SPNS3: variants seen among roughly 807,000 people sequenced by gnomAD.
SPNS3 encodes the protein SPNS lysolipid transporter 3, sphingosine-1-phosphate (putative).
A neutral mutation model predicts 54.4 loss-of-function variants in SPNS3; 51 were observed. The observed-to-expected ratio is 0.94, with a 90% CI of 0.75 to 1.18. The LOEUF (loss-of-function observed/expected upper bound fraction) is 1.18, where lower values mean the gene tolerates loss of function less well. Among genes scored for constraint, SPNS3 ranks in the 50% most tolerant of loss-of-function variants. The pLI is 0.00. For missense variants in SPNS3, 669 were observed against 677.4 expected (o/e 0.99, Z 0.14); for synonymous variants, 309 against 294.7 (o/e 1.05, Z -0.50).
chr17:4,463,707 C>G (rs1473570119), intron 8 of SPNS3, among the ~76,000 whole-genome samples: 6 of 150,540 alleles, frequency 4.0e-5, no homozygotes, highest in African/African-American at 1.5e-4. Context: ...CCACTGCACT[C>G]CAGCCGGGCA....
chr17:4,439,706 C>A lies in SPNS3; in HGVS notation c.248C>A (p.Ala83Asp). 1.9e-6 allele frequency: 3 copies of A among 1,613,022 alleles called. No individual in the cohort carries two copies. The highest frequency in any genetic ancestry group is 2.5e-6 in the Non-Finnish European group (3 of 1,179,610). Residue 83 changes from alanine (A) to aspartate (D), a missense_variant, in exon 2 of 12, where the codon GCT (alanine) becomes GAT (aspartate). Transcript: ENST00000355530. ...QEVFQISDNHAGLLQTVFVSC... is the reference protein window; with the variant it reads ...QEVFQISDNHDGLLQTVFVSC... ...GTTTTCCAGATCAGTGACAACCATG[C>A]TGGTTTGCTTCAGACTGGTAAGGAG... is the stretch of plus-strand genomic sequence containing the variant.
intron 8 of SPNS3, among the ~76,000 whole-genome samples, chr17:4,471,201 G>A (rs988137359): frequency 1.3e-5 from 2 of 152,210 alleles, no homozygotes; most frequent in Non-Finnish European, 2.9e-5. Context: ...TGGGATTACA[G>A]GCGTGAGCCA....
chr17:4,451,566 AG>A (rs1246285985), intron 7 of SPNS3, among the ~76,000 whole-genome samples: 3 of 152,246 alleles, frequency 2.0e-5, no homozygotes, highest in Non-Finnish European at 4.4e-5. Flanking sequence ...AGAGGACGAC[AG>A]GGAGCTATTG....
At chr17:4,459,095 C>T (rs1465063166) in intron 8 of SPNS3, among the ~76,000 whole-genome samples, 2 of 152,146 alleles carry the variant, frequency 1.3e-5, no homozygotes, top group Non-Finnish European at 2.9e-5. Context: ...GCCAGCTTAC[C>T]ACCGTCTCTC....
intron 8 of SPNS3, among the ~76,000 whole-genome samples, chr17:4,474,787 T>G (rs7214170): frequency 6.6e-6 from 1 of 151,956 alleles, no homozygotes; most frequent in Non-Finnish European, 1.5e-5. Context: ...CCAGGCTGTT[T>G]TTCGGCAAGT....
chr17:4,439,703 A>G lies in SPNS3; in HGVS notation c.245A>G (p.His82Arg), dbSNP rs751275423. The change falls in exon 2 of 12, where the codon CAT becomes CGT. Residue 82 changes from histidine to arginine, a missense_variant. By Grantham distance (29) the His-to-Arg change is conservative. Transcript: ENST00000355530. The stretch of plus-strand genomic sequence containing the variant: ...GAGGTTTTCCAGATCAGTGACAACC[A>G]TGCTGGTTTGCTTCAGACTGGTAAG... ...IQEVFQISDN[H>R]AGLLQTVFVS... 4.0e-5 allele frequency: 65 copies of G among 1,613,090 alleles called. No homozygotes were observed. Among genetic ancestry groups the G allele is most frequent in the Non-Finnish European group, 5.3e-5 (62 of 1,179,710 alleles).
At chr17:4,455,467 G>C (rs1971283707) in intron 8 of SPNS3, among the ~76,000 whole-genome samples, 1 of 152,220 alleles carries the variant, frequency 6.6e-6, no homozygotes, top group African/African-American at 2.4e-5. Context: ...GCGGGGTGTG[G>C]GGGGTACTTT....
intron 2 of SPNS3, among the ~76,000 whole-genome samples, chr17:4,444,518 C>T (rs927393692): frequency 1.3e-5 from 2 of 152,074 alleles, no homozygotes; most frequent in South Asian, 2.1e-4. Flanking sequence ...CCACCGCGCC[C>T]GGCCCAGTGT....
At chr17:4,435,292 G>A (rs923177868) in intron 1 of SPNS3, among the ~76,000 whole-genome samples, 6 of 151,356 alleles carry the variant, frequency 4.0e-5, no homozygotes, top group Non-Finnish European at 5.9e-5. Flanking sequence ...GCATGGTAGC[G>A]GGCACCTGTA....
chr17:4,458,585 C>CTT (rs1971391158), intron 8 of SPNS3, among the ~76,000 whole-genome samples: 2 of 42,940 alleles, frequency 4.7e-5, no homozygotes, highest in African/African-American at 1.6e-4. Context: ...TTCTTCCTTC[C>CTT]CTCCTTTCTT....
rs542428846 is a variant in SPNS3 at position 4,484,692 on chromosome 17, C to T, written c.1180-1536C>T. Among the ~76,000 whole-genome samples the T allele has an allele frequency of 4.6e-5, 7 of 152,174 alleles. No homozygotes were observed. The South Asian group carries it at 1.5e-3, about 32-fold the overall frequency. On this transcript the variant is annotated intron_variant, in intron 9 of 11. Transcript: ENST00000355530. ...GGGATACGGCTCCAGGGTGTAAGCG[C>T]CCCTGTGGCTGTCCAGTTGGGTTCA... is the stretch of plus-strand genomic sequence containing the variant.
chr17:4,479,671 C>T (rs1297337822), intron 9 of SPNS3, among the ~76,000 whole-genome samples: 1 of 152,248 alleles, frequency 6.6e-6, no homozygotes, highest in Non-Finnish European at 1.5e-5. Context: ...ATGGACCAGA[C>T]TGGCAGTCAG....
chr17:4,444,622 T>G (rs1373980979), intron 2 of SPNS3, among the ~76,000 whole-genome samples: 1 of 152,098 alleles, frequency 6.6e-6, no homozygotes, highest in Non-Finnish European at 1.5e-5. Flanking sequence ...GGTGCATGAA[T>G]GAAAAATCAG....
intron 8 of SPNS3, among the ~76,000 whole-genome samples, chr17:4,468,881 C>T (rs1157460772): frequency 4.0e-5 from 6 of 151,140 alleles, no homozygotes; most frequent in Non-Finnish European, 8.9e-5. Context: ...CTCCACCTCC[C>T]GGGTTCAAGT....
intron 8 of SPNS3, among the ~76,000 whole-genome samples, chr17:4,477,934 CT>C (rs1246241683): frequency 1.4e-5 from 2 of 139,732 alleles, no homozygotes; most frequent in African/African-American, 5.5e-5. Context: ...GTCTTTTACT[CT>C]TTGTCCTCTA....
chr17:4,436,877 G>T (rs1384405632), intron 1 of SPNS3, among the ~76,000 whole-genome samples: 1 of 152,224 alleles, frequency 6.6e-6, no homozygotes, highest in Admixed American at 6.5e-5. Flanking sequence ...AGGCGAGAAG[G>T]GGCAAGAGGT....
At chr17:4,480,087 C>T (rs993166147) in intron 9 of SPNS3, among the ~76,000 whole-genome samples, 21 of 151,922 alleles carry the variant, frequency 1.4e-4, no homozygotes, top group African/African-American at 5.1e-4. Context: ...TCACTCCCTG[C>T]CAAGATGTCT....
intron 8 of SPNS3, among the ~76,000 whole-genome samples, chr17:4,464,554 C>G (rs1275438234): frequency 2.0e-5 from 3 of 152,136 alleles, no homozygotes; most frequent in African/African-American, 7.2e-5. Context: ...AGTTGTGTGA[C>G]TTGTGTGACC....
At chr17:4,440,997 G>C (rs1236994253) in intron 2 of SPNS3, among the ~76,000 whole-genome samples, 1 of 152,152 alleles carries the variant, frequency 6.6e-6, no homozygotes, top group Non-Finnish European at 1.5e-5. Flanking sequence ...ACGTCTAATT[G>C]CTTTGGCAAA....
Sources: gnomAD v4.1 joint callset for allele counts (sites outside exome capture counted in the v4.1 genomes callset) on GRCh38, gnomAD v4.1.1 for gene constraint, MANE v1.5 for transcripts, NCBI Gene and HGNC (gene_info 2026-07-23, HGNC 2026-07-21) for gene names.